EFCAB5: variants seen among roughly 807,000 people sequenced by gnomAD.
EFCAB5 encodes EF-hand calcium-binding domain-containing protein 5.
A neutral mutation model predicts 167.9 loss-of-function variants in EFCAB5; 131 were observed. The observed-to-expected ratio is 0.78, with a 90% confidence interval of 0.68 to 0.90. EFCAB5 has a LOEUF of 0.90. Ranked by LOEUF, EFCAB5 falls within the 40% of genes least tolerant of loss-of-function variation. EFCAB5 has a pLI of 0.00. For missense variants in EFCAB5, 1,663 were observed against 1,745.2 expected, an observed-to-expected ratio of 0.95 and a Z score of 0.84; for synonymous variants, 574 against 602.8, an observed-to-expected ratio of 0.95 and a Z score of 0.70.
intron 3 of EFCAB5, among the ~76,000 whole-genome samples, chr17:29,964,452 AC>A (rs1368820013): frequency 6.6e-6 from 1 of 151,778 alleles, no homozygotes; most frequent in East Asian, 1.9e-4. Context: ...ATGCCACCAC[AC>A]CTGGCTAATT....
intron 8 of EFCAB5, among the ~76,000 whole-genome samples, chr17:30,041,249 A>T (rs929335256): frequency 2.0e-5 from 3 of 152,214 alleles, no homozygotes; most frequent in Non-Finnish European, 2.9e-5. Context: ...TCACCATTCT[A>T]GATGCCATTA....
At chr17:30,069,226 TG>T in intron 14 of EFCAB5, 1 of 1,547,014 alleles carries the variant, frequency 6.5e-7, no homozygotes, top group South Asian at 1.1e-5. Flanking sequence ...ACCCTGCCAC[TG>T]AAGAACATCC....
intron 18 of EFCAB5, among the ~76,000 whole-genome samples, chr17:30,083,521 C>T (rs2071030564): frequency 6.6e-6 from 1 of 152,230 alleles, no homozygotes; most frequent in Admixed American, 6.5e-5. Flanking sequence ...ATAGCGCAAT[C>T]TCAGCTTACC....
intron 7 of EFCAB5, among the ~76,000 whole-genome samples, chr17:30,027,839 C>T (rs189095255): frequency 1.3e-5 from 2 of 152,264 alleles, no homozygotes; most frequent in East Asian, 3.9e-4. Flanking sequence ...TCCTGCTTAC[C>T]AGGGGCAAGT....
intron 17 of EFCAB5, among the ~76,000 whole-genome samples, chr17:30,082,671 C>T (rs551463698): frequency 6.6e-6 from 1 of 152,264 alleles, no homozygotes; most frequent in African/African-American, 2.4e-5. Flanking sequence ...GGATTACAGG[C>T]ATGAGCCATG....
At position 30,057,743 on chromosome 17, in the gene EFCAB5, A is replaced by C; in HGVS notation, c.2433A>C (p.Gly811=). 1 of 1,613,794 alleles carries C rather than the reference A, an allele frequency of 6.2e-7. No homozygotes were observed. Among genetic ancestry groups the C allele is most frequent in the Non-Finnish European group, 8.5e-7 (1 of 1,179,784 alleles). ...KEVKGRTAFN[G]VSFNLLQFVQ... Reference sequence around the variant, plus strand: ...TAAAAGGCAGAACTGCCTTCAATGGAGTTTCATTCAATCTGCTCCAGTTTG... The same window carrying C: ...TAAAAGGCAGAACTGCCTTCAATGGCGTTTCATTCAATCTGCTCCAGTTTG... Residue 811 remains glycine, a synonymous_variant, in exon 13 of 23, where the codon GGA becomes GGC. Coordinates refer to ENST00000394835, the MANE Select transcript of EFCAB5 (RefSeq NM_198529.4).
intron 7 of EFCAB5, among the ~76,000 whole-genome samples, chr17:30,014,689 T>C (rs369335798): frequency 1.3e-5 from 2 of 152,222 alleles, no homozygotes; most frequent in Non-Finnish European, 2.9e-5. Flanking sequence ...TGAGTCCATG[T>C]GTGTCTCTGC....
intron 3 of EFCAB5, among the ~76,000 whole-genome samples, chr17:29,951,927 C>A (rs1177469983): frequency 1.3e-5 from 2 of 152,158 alleles, no homozygotes; most frequent in Admixed American, 6.5e-5. Flanking sequence ...TTAATAATAT[C>A]TCCTTAAGGT....
At position 30,043,854 on chromosome 17, in the gene EFCAB5, T is replaced by G. The variant is rs138522198; in HGVS notation, c.1201-7264T>G. Among the ~76,000 whole-genome samples, 629 of 152,336 alleles carry G rather than the reference T, an allele frequency of 4.1e-3. 5 individuals carry two copies. The highest frequency in any genetic ancestry group is 0.014 in the African/African-American group (597 of 41,580). ...TCCAATCCAAATCCCAGTGAACTTA[T>G]TTACAGAAATTGACAAACTATTCTG... On this transcript the variant is annotated intron_variant, in intron 8 of 22. Coordinates refer to ENST00000394835, the MANE Select transcript of EFCAB5 (RefSeq NM_198529.4).
At chr17:30,068,959 A>G in intron 14 of EFCAB5, 2 of 1,515,606 alleles carry the variant, frequency 1.3e-6, no homozygotes, top group Non-Finnish European at 9.2e-7. Flanking sequence ...TTCAGAAGCA[A>G]TTCAACAACT....
chr17:30,023,838 C>T (rs2069245211), intron 7 of EFCAB5, among the ~76,000 whole-genome samples: 1 of 152,192 alleles, frequency 6.6e-6, no homozygotes, highest in Non-Finnish European at 1.5e-5. Flanking sequence ...CCACCATGAT[C>T]AAGTGAGCTT....
At chr17:30,082,806 C>T in intron 17 of EFCAB5, 85 bp from the exon 18 acceptor site, 1 of 1,314,048 alleles carries the variant, frequency 7.6e-7, no homozygotes, top group Non-Finnish European at 1.0e-6. Context: ...AATTAAATTA[C>T]TGGTAAAGGT....
chr17:29,999,266 C>T (rs1330424077), intron 6 of EFCAB5, among the ~76,000 whole-genome samples: 1 of 151,880 alleles, frequency 6.6e-6, no homozygotes. Context: ...GCAAGTTGCA[C>T]ATCAAAATGA....
intron 22 of EFCAB5, among the ~76,000 whole-genome samples, chr17:30,106,044 T>C (rs1228571955): frequency 6.6e-6 from 1 of 152,114 alleles, no homozygotes; most frequent in Admixed American, 6.6e-5. Context: ...AAATAAAATA[T>C]GTTCTGCTTA....
intron 8 of EFCAB5, among the ~76,000 whole-genome samples, chr17:30,035,600 C>CT (rs2069593940): frequency 6.6e-6 from 1 of 152,172 alleles, no homozygotes; most frequent in African/African-American, 2.4e-5. Flanking sequence ...GAGCCAGTTA[C>CT]TTATGTACTG....
At chr17:29,966,859 TC>T in intron 3 of EFCAB5, among the ~76,000 whole-genome samples, 1 of 152,228 alleles carries the variant, frequency 6.6e-6, no homozygotes, top group East Asian at 1.9e-4. Flanking sequence ...TTTCAGCACT[TC>T]CTTACTTTCT....
At chr17:30,015,481 G>T (rs1400655475) in intron 7 of EFCAB5, among the ~76,000 whole-genome samples, 1 of 152,182 alleles carries the variant, frequency 6.6e-6, no homozygotes, top group African/African-American at 2.4e-5. Flanking sequence ...ATATTTATTT[G>T]AAGATCAAAT....
rs745337307 is a variant in EFCAB5, at chr17:30,034,369, A to C, written c.1184A>C (p.His395Pro). ...RRQMFAELFL[H>P]CDHGKVGFLD... is the part of the protein sequence containing the mutation. ...CAGATGTTCGCTGAACTCTTCCTAC[A>C]TTGTGACCACGGGAAGGTGGGTTAA... Residue 395 changes from histidine to proline, a missense_variant, in exon 8 of 23, where the codon CAT becomes CCT. His to Pro is a moderately conservative substitution (Grantham distance 77, BLOSUM62 -2). Coordinates refer to ENST00000394835, the MANE Select transcript of EFCAB5 (RefSeq NM_198529.4). 2 of 1,604,092 alleles carry C rather than the reference A, an allele frequency of 1.2e-6. No homozygotes were observed. The highest frequency in any genetic ancestry group is 1.7e-6 in the Non-Finnish European group (2 of 1,174,424).
At chr17:30,094,213 C>T (rs1022091702) in intron 22 of EFCAB5, among the ~76,000 whole-genome samples, 1 of 152,116 alleles carries the variant, frequency 6.6e-6, no homozygotes, top group African/African-American at 2.4e-5. Context: ...CTCTCACCCC[C>T]ACTTCATCCT....
Sources: allele counts gnomAD v4.1 joint callset (sites outside exome capture counted in the v4.1 genomes callset), GRCh38; gene constraint gnomAD v4.1.1; transcripts MANE v1.5; gene names NCBI Gene and HGNC (gene_info 2026-07-23, HGNC 2026-07-21).